Variants in ZFP14 observed in about 807,000 individuals in gnomAD.
ZFP14 encodes the protein ZFP14 zinc finger protein, also known as zinc finger protein 14 homolog.
In ZFP14, 22 loss-of-function variants were observed where a neutral mutation model predicts 54.5. The ratio of observed to expected loss-of-function variants is 0.40; its 90% CI spans 0.29 to 0.58. ZFP14 has a LOEUF of 0.58. ZFP14 is among the 20% of genes least tolerant of loss of function. The pLI is 0.39. For synonymous variants in ZFP14, 159 were observed against 204.0 expected (o/e 0.78, Z 1.88); for missense variants, 470 against 637.8 (o/e 0.74, Z 2.83).
chr19:36,360,301 C>T (rs2031688602), intron 4 of ZFP14, 134 bp downstream of exon 4: 6 of 589,970 alleles, frequency 1.0e-5, no homozygotes, highest in Admixed American at 3.8e-5. Context: ...TGCTTCAAGT[C>T]CCAAGCCCTG....
Position 36,343,526 on chromosome 19 carries a change from G to C in ZFP14, c.236-1936C>G, listed in dbSNP as rs372408649. ...CAAAATCACTTCTTCACAAAGGCTA[G>C]TCCTGCTGGCCCTATTTAAGTCTAT... On this transcript the variant is annotated intron_variant, in intron 4 of 4. Coordinates refer to ENST00000270001, the MANE Select transcript of ZFP14 (RefSeq NM_020917.3). Among the ~76,000 whole-genome samples the C allele has an allele frequency of 4.5e-4, 68 of 152,274 alleles. 1 individual carries two copies. The East Asian group carries it at 0.011, about 24-fold the overall frequency.
At chr19:36,344,061 G>A (rs1391034080) in intron 4 of ZFP14, among the ~76,000 whole-genome samples, 19 of 152,132 alleles carry the variant, frequency 1.2e-4, no homozygotes, top group Non-Finnish European at 1.5e-5. Flanking sequence ...GGAGTGCAGT[G>A]GCACAATCTC....
Position 36,360,625 on chromosome 19 carries a change from T to C in ZFP14, c.137-92A>G, listed in dbSNP as rs1420291189. 9 of 1,155,786 alleles carry C rather than the reference T, an allele frequency of 7.8e-6. No homozygotes were observed. In the South Asian group the frequency reaches 8.4e-5, roughly 11 times the overall value. The allele number at this position is 1,155,786 out of a possible 1,614,324, so 71.6% of individuals were successfully genotyped here. On this transcript the variant is annotated intron_variant, in intron 3 of 4. Coordinates refer to ENST00000270001, the MANE Select transcript of ZFP14 (RefSeq NM_020917.3). ...ATTTATAATTAACTACAGATCAATA[T>C]GGCACTTTATAAAGCCTAGGAGCGA...
chr19:36,374,980 A>G (rs1020224622), intron 1 of ZFP14, among the ~76,000 whole-genome samples: 1 of 152,120 alleles, frequency 6.6e-6, no homozygotes, highest in African/African-American at 2.4e-5. Flanking sequence ...TCATTCATGA[A>G]CCAACTCTAT....
intron 2 of ZFP14, chr19:36,362,876 A>C (rs539853960): frequency 3.7e-6 from 1 of 271,346 alleles, no homozygotes; most frequent in South Asian, 3.5e-5. Flanking sequence ...CTCGGGTTTT[A>C]TTATAAACAC....
intron 4 of ZFP14, among the ~76,000 whole-genome samples, chr19:36,345,526 C>T (rs376044767): frequency 3.3e-5 from 5 of 151,970 alleles, no homozygotes; most frequent in East Asian, 3.9e-4. Flanking sequence ...ATCCAGATGG[C>T]GTACTTTCAT....
At chr19:36,351,854 G>A (rs1427255090) in intron 4 of ZFP14, among the ~76,000 whole-genome samples, 2 of 142,970 alleles carry the variant, frequency 1.4e-5, no homozygotes, top group Non-Finnish European at 3.1e-5. Flanking sequence ...GTGAGACCTT[G>A]TCTCTAAAAA....
chr19:36,373,751 A>C (rs528761330), intron 1 of ZFP14, among the ~76,000 whole-genome samples: 1 of 151,926 alleles, frequency 6.6e-6, no homozygotes, highest in African/African-American at 2.4e-5. Flanking sequence ...TCTCTACAAA[A>C]AAATTTTAAA....
At chr19:36,357,968 C>T (rs1568469845) in intron 4 of ZFP14, among the ~76,000 whole-genome samples, 1 of 151,716 alleles carries the variant, frequency 6.6e-6, no homozygotes, top group African/African-American at 2.4e-5. Context: ...GTCTTGAACT[C>T]CTGACCTCAG....
At chr19:36,353,964 A>C (rs2031571564) in intron 4 of ZFP14, among the ~76,000 whole-genome samples, 1 of 136,802 alleles carries the variant, frequency 7.3e-6, no homozygotes, top group South Asian at 2.3e-4. Flanking sequence ...AGTCCCAGCT[A>C]CTTGGGAGGC....
intron 1 of ZFP14, among the ~76,000 whole-genome samples, chr19:36,376,522 G>A (rs1026049086): frequency 1.3e-5 from 2 of 151,600 alleles, no homozygotes; most frequent in East Asian, 1.9e-4. Flanking sequence ...TCCAGCCTGG[G>A]TGACAGAGCA....
chr19:36,360,245 T>C (rs918737013), intron 4 of ZFP14, 190 bp downstream of exon 4: 1 of 384,344 alleles, frequency 2.6e-6, no homozygotes, highest in Non-Finnish European at 4.6e-6. Flanking sequence ...GCATTCAAGA[T>C]CAATAGAAAG....
chr19:36,376,270 T>A (rs1381386849), intron 1 of ZFP14, among the ~76,000 whole-genome samples: 1 of 152,052 alleles, frequency 6.6e-6, no homozygotes, highest in African/African-American at 2.4e-5. Context: ...CAATTATTTT[T>A]AAAATTCTAC....
intron 2 of ZFP14, among the ~76,000 whole-genome samples, chr19:36,363,376 T>C (rs992574198): frequency 2.6e-5 from 4 of 151,788 alleles, no homozygotes; most frequent in African/African-American, 9.7e-5. Flanking sequence ...TTTGTATTTT[T>C]AGTAGAGACG....
At position 36,379,169 on chromosome 19, in the gene ZFP14, G is replaced by C. The variant is rs1217912825; in HGVS notation, c.-86C>G. 6.6e-6 allele frequency: 1 copy of C among 152,584 alleles called. No individual in the cohort carries two copies. The highest frequency in any genetic ancestry group is 1.5e-5 in the Non-Finnish European group (1 of 68,448). 9.5% of individuals were successfully genotyped at this position (152,584 alleles called of 1,614,324 possible). ...GTGCAAGCGACCAACTCACCTCTCG[G>C]AGCCGACACCAGCAGCGAAGCCGGA... On this transcript the variant is annotated 5_prime_UTR_variant, in exon 1 of 5. Transcript: ENST00000270001.
chr19:36,345,272 C>T (rs981060559), intron 4 of ZFP14, among the ~76,000 whole-genome samples: 4 of 152,186 alleles, frequency 2.6e-5, no homozygotes, highest in African/African-American at 9.6e-5. Context: ...TCAAACAAAA[C>T]AAAACTTTTG....
At chr19:36,361,308 C>T (rs1251641187) in intron 3 of ZFP14, among the ~76,000 whole-genome samples, 1 of 152,136 alleles carries the variant, frequency 6.6e-6, no homozygotes. Context: ...GGCGCGATCT[C>T]AACTCACTGC....
chr19:36,340,039 T>C lies in ZFP14; in HGVS notation c.*185A>G, dbSNP rs555282591. On this transcript the variant is annotated 3_prime_UTR_variant, in exon 5 of 5. Transcript: ENST00000270001. This position sits in a 1 kb window ranked among gnomAD's most constrained non-coding sequence, Gnocchi z 5.4. ...AAAGATTTTCCTACATTCATTACAT[T>C]ATTCTCTCATAGGAATTTGCTGAAG... 600 of 546,866 alleles carry C rather than the reference T, an allele frequency of 1.1e-3. 1 individual carries two copies. The highest frequency in any genetic ancestry group is 1.6e-3 in the Non-Finnish European group (546 of 338,852). 33.9% of individuals were successfully genotyped at this position (546,866 alleles called of 1,614,324 possible).
rs371056391 is a variant in ZFP14 at position 36,339,682 on chromosome 19, A to G, written c.*542T>C. 1.3e-5 allele frequency: 2 copies of G among 152,650 alleles called. No individual in the cohort carries two copies. The highest frequency in any genetic ancestry group is 4.8e-5 in the African/African-American group (2 of 41,570). 9.5% of individuals were successfully genotyped at this position (152,650 alleles called of 1,614,324 possible). A position where few individuals can be genotyped will look rare whatever the true frequency, so the allele number is the denominator to read the frequency against. ...CACGGAAATACATTGGGTAACAACT[A>G]TGTTAGTCTGGATGTGGATCCTTCC... On this transcript the variant is annotated 3_prime_UTR_variant, in exon 5 of 5. Transcript: ENST00000270001.
Sources: gnomAD v4.1 joint callset for allele counts (sites outside exome capture counted in the v4.1 genomes callset) on GRCh38, gnomAD v4.1.1 for gene constraint, Gnocchi (gnomAD v3.1) non-coding constraint, MANE v1.5 for transcripts, NCBI Gene and HGNC (gene_info 2026-07-23, HGNC 2026-07-21) for gene names.